BNC2: variants seen among roughly 807,000 people sequenced by gnomAD.
BNC2 encodes basonuclin zinc finger protein 2, also known as zinc finger protein basonuclin-2.
BNC2 carries 20 observed loss-of-function variants against 76.3 expected under a neutral mutation model. The ratio of observed to expected loss-of-function variants is 0.26; its 90% CI spans 0.18 to 0.38. The LOEUF (loss-of-function observed/expected upper bound fraction) is 0.38. BNC2 is among the 10% of genes least tolerant of loss of function. The probability of loss-of-function intolerance (pLI) is 1.00; values close to 1 mark genes in which losing one functional copy is unlikely to be tolerated. For synonymous variants in BNC2, 582 were observed against 514.8 expected (o/e 1.13, Z -1.77); for missense variants, 1,382 against 1,399.8 (o/e 0.99, Z 0.20).
intron 3 of BNC2, among the ~76,000 whole-genome samples, chr9:16,707,886 C>A (rs1284909204): frequency 1.3e-5 from 2 of 152,164 alleles, no homozygotes; most frequent in South Asian, 2.1e-4. Context: ...AGGTGCTCTG[C>A]CCACCTTAGC....
At position 16,580,617 on chromosome 9, in the gene BNC2, T is replaced by C. The variant is rs553740409; in HGVS notation, c.433+2366A>G. Among the ~76,000 whole-genome samples the C allele has an allele frequency of 7.9e-5, 12 of 152,308 alleles. 1 individual carries two copies. The South Asian group carries it at 1.5e-3, about 18-fold the overall frequency. On this transcript the variant is annotated intron_variant, in intron 4 of 6. Transcript: ENST00000380672. The stretch of plus-strand genomic sequence containing the variant: ...TTTTTCCTTTACATTACTAATGTAA[T>C]ATGCACATGGACATTAAATAGATAA...
intron 1 of BNC2, 124 bp from the exon 2 acceptor site, chr9:16,738,609 TAA>T: frequency 2.7e-6 from 3 of 1,095,346 alleles, no homozygotes; most frequent in Non-Finnish European, 4.0e-6. Context: ...ACACATTTTT[TAA>T]GAGTTAATAG....
intron 4 of BNC2, among the ~76,000 whole-genome samples, chr9:16,561,048 G>C (rs1374020101): frequency 1.3e-5 from 2 of 152,098 alleles, no homozygotes; most frequent in African/African-American, 4.8e-5. Flanking sequence ...TGACCAGCCT[G>C]GCGAATATAG....
chr9:16,425,126 G>A (rs1225550374), intron 6 of BNC2, among the ~76,000 whole-genome samples: 3 of 152,126 alleles, frequency 2.0e-5, no homozygotes, highest in African/African-American at 7.2e-5. Context: ...GCAAATTCTT[G>A]CAAATTAAAA....
At chr9:16,665,600 G>C (rs1382033546) in intron 3 of BNC2, among the ~76,000 whole-genome samples, 1 of 152,128 alleles carries the variant, frequency 6.6e-6, no homozygotes, top group Non-Finnish European at 1.5e-5. Context: ...ATGCTACTAA[G>C]CATGAAAGTG....
chr9:16,690,598 C>T (rs1823129295), intron 3 of BNC2, among the ~76,000 whole-genome samples: 1 of 152,106 alleles, frequency 6.6e-6, no homozygotes, highest in African/African-American at 2.4e-5. Flanking sequence ...ACCAGAAATA[C>T]ATTCATTGTT....
intron 5 of BNC2, among the ~76,000 whole-genome samples, chr9:16,495,745 C>A (rs2131689795): frequency 6.6e-6 from 1 of 152,274 alleles, no homozygotes; most frequent in East Asian, 1.9e-4. Flanking sequence ...CACTTGATTT[C>A]ATGGCTCTCT....
intron 3 of BNC2, among the ~76,000 whole-genome samples, chr9:16,616,681 C>A (rs1268906043): frequency 6.9e-6 from 1 of 145,408 alleles, no homozygotes; most frequent in Non-Finnish European, 1.5e-5. Context: ...AGAGTGAGAT[C>A]CTCTCTCAAA....
Position 16,463,442 on chromosome 9 carries a change from G to A in BNC2, c.670-25918C>T, listed in dbSNP as rs1037525850. On this transcript the variant is annotated intron_variant, in intron 5 of 6. Coordinates refer to ENST00000380672, the MANE Select transcript of BNC2 (RefSeq NM_017637.6). ...CTCCCAAGTAGCTGGGACTACAGGC[G>A]CCCGCCACTACGCCCGGCTAATTTT... Among the ~76,000 whole-genome samples, 7 of 146,030 alleles carry A rather than the reference G, an allele frequency of 4.8e-5. 2 individuals are homozygous for A. The highest frequency in any genetic ancestry group is 1.3e-4 in the Admixed American group (2 of 14,890).
rs769856015 is a variant in BNC2 at position 16,552,647 on chromosome 9, C to T, written c.552G>A (p.Val184=). 2.5e-6 allele frequency: 4 copies of T among 1,614,230 alleles called. No individual in the cohort carries two copies. Among genetic ancestry groups the T allele is most frequent in the Middle Eastern group, 1.6e-4 (1 of 6,062 alleles). The stretch of plus-strand genomic sequence containing the variant: ...GACGGTCCAGCAGGATCTTTAGCCG[C>T]ACAGGCACTGCTTGTGTCCCATAGA... ...LMLYGTQAVP[V]RLKILLDRLF... Residue 184 remains valine (V), a synonymous_variant, in exon 5 of 7, where the codon GTG becomes GTA. Transcript: ENST00000380672.
At chr9:16,453,042 T>G (rs1204667861) in intron 5 of BNC2, among the ~76,000 whole-genome samples, 2 of 152,204 alleles carry the variant, frequency 1.3e-5, no homozygotes, top group Non-Finnish European at 2.9e-5. Context: ...CAATGCAGTC[T>G]GTGCCTTGGT....
chr9:16,596,545 G>A (rs984245807), intron 3 of BNC2, among the ~76,000 whole-genome samples: 4 of 152,086 alleles, frequency 2.6e-5, no homozygotes, highest in Non-Finnish European at 5.9e-5. Context: ...GAGACATTTG[G>A]GACAGAATAT....
At chr9:16,531,000 C>T (rs958925155) in intron 5 of BNC2, among the ~76,000 whole-genome samples, 4 of 152,078 alleles carry the variant, frequency 2.6e-5, no homozygotes, top group African/African-American at 7.2e-5. Flanking sequence ...AACTTGCCAC[C>T]CACCTCCCAT....
chr9:16,504,780 G>A (rs778241745), intron 5 of BNC2, among the ~76,000 whole-genome samples: 24 of 152,274 alleles, frequency 1.6e-4, no homozygotes, highest in Admixed American at 9.8e-4. Context: ...CCAGCTGTTC[G>A]AGGTTGCAGT....
intron 5 of BNC2, among the ~76,000 whole-genome samples, chr9:16,545,895 T>C (rs1183656984): frequency 1.3e-5 from 2 of 152,172 alleles, no homozygotes; most frequent in East Asian, 3.9e-4. Flanking sequence ...AAATTACCTC[T>C]TGTCAAATCA....
At chr9:16,777,693 T>A (rs1586875555) in intron 1 of BNC2, among the ~76,000 whole-genome samples, 1 of 107,328 alleles carries the variant, frequency 9.3e-6, no homozygotes. Flanking sequence ...AGGGCAAGAC[T>A]CCATCTCAAA....
At position 16,416,601 on chromosome 9, in the gene BNC2, T is replaced by A. The variant is rs1820588846; in HGVS notation, c.*2388A>T. ...TTACTAATTCCTCAGCTTTTTACCA[T>A]AAACACTTGTCATTTAACATAGTGT... On this transcript the variant is annotated 3_prime_UTR_variant, in exon 7 of 7. Transcript: ENST00000380672. 2.0e-5 allele frequency: 3 copies of A among 152,622 alleles called. No homozygotes were observed. The highest frequency in any genetic ancestry group is 4.4e-5 in the Non-Finnish European group (3 of 68,042). The allele number at this position is 152,622 out of a possible 1,614,324, so 9.5% of individuals were successfully genotyped here. A position where few individuals can be genotyped will look rare whatever the true frequency, so the allele number is the denominator to read the frequency against.
chr9:16,590,701 G>A (rs1301938539), intron 3 of BNC2, among the ~76,000 whole-genome samples: 1 of 152,090 alleles, frequency 6.6e-6, no homozygotes, highest in East Asian at 2.0e-4. Flanking sequence ...TAGCTACGCG[G>A]GAGGCTGAGG....
At chr9:16,733,595 T>C (rs1824576345) in intron 2 of BNC2, among the ~76,000 whole-genome samples, 1 of 152,112 alleles carries the variant, frequency 6.6e-6, no homozygotes. Context: ...AATATTACTC[T>C]ACTATGCTTA....
Sources: allele counts gnomAD v4.1 joint callset (sites outside exome capture counted in the v4.1 genomes callset), GRCh38; gene constraint gnomAD v4.1.1; transcripts MANE v1.5; gene names NCBI Gene and HGNC (gene_info 2026-07-23, HGNC 2026-07-21).